Variants in TRPV3 observed in about 807,000 individuals in gnomAD.
The protein encoded by TRPV3 is transient receptor potential cation channel subfamily V member 3.
In TRPV3, 88 loss-of-function variants were observed where a neutral mutation model predicts 87.1. The ratio of observed to expected loss-of-function variants is 1.01; its 90% CI spans 0.85 to 1.21. TRPV3 has a LOEUF of 1.21. Ranked by LOEUF, TRPV3 falls within the 50% of genes most tolerant of loss-of-function variation. The pLI is 0.00. For missense variants in TRPV3, 1,054 were observed against 1,030.1 expected, an observed-to-expected ratio of 1.02 and a Z score of -0.32; for synonymous variants, 438 against 423.3, an observed-to-expected ratio of 1.03 and a Z score of -0.43.
chr17:3,528,975 G>A lies in TRPV3; in HGVS notation c.1263C>T (p.Thr421=). 2 of 1,614,172 alleles carry A rather than the reference G, an allele frequency of 1.2e-6. No individual in the cohort carries two copies. Among genetic ancestry groups the A allele is most frequent in the Non-Finnish European group, 1.7e-6 (2 of 1,180,026 alleles). The change falls in exon 10 of 18, where the codon ACC becomes ACT. Residue 421 remains threonine, a synonymous_variant. Transcript: ENST00000576742. This position sits in a 1 kb window ranked among gnomAD's most constrained non-coding sequence, Gnocchi z 4.2. ...GCAGCAGCGTGTGCAGCGGCTCCAG[G>A]GTCAGCATCTCATGCCGGTTCTAGG... ...TNIDNRHEML[T]LEPLHTLLHM... is the part of the protein sequence containing the mutation.
rs1178898268 is a variant in TRPV3 at position 3,518,152 on chromosome 17, T to C, written c.2085+424A>G. 6.6e-6 allele frequency among the ~76,000 whole-genome samples: 1 copy of C among 152,018 alleles called. No individual in the cohort carries two copies. Among genetic ancestry groups the C allele is most frequent in the East Asian group, 1.9e-4 (1 of 5,178 alleles). On this transcript the variant is annotated intron_variant, in intron 15 of 17. Coordinates refer to ENST00000576742, the MANE Select transcript of TRPV3 (RefSeq NM_145068.4). This position sits in a 1 kb window ranked among gnomAD's most constrained non-coding sequence, Gnocchi z 4.3. The stretch of plus-strand genomic sequence containing the variant: ...CCATTTCTTAAGAGGCAGTCTCCAG[T>C]CCTCTCCCAAACCTGGTTACCACCT...
chr17:3,516,911 C>G (rs1258130022), intron 15 of TRPV3, among the ~76,000 whole-genome samples: 2 of 150,810 alleles, frequency 1.3e-5, no homozygotes, highest in Non-Finnish European at 3.0e-5. Context: ...TTTGGGAGGC[C>G]AAGGCGGGTG....
In TRPV3 at chr17:3,556,214, A is replaced by C. The variant is rs988732919; in HGVS notation, c.-2-1362T>G. ...AAAAAAAAAAAATAAAGTTTTTATT[A>C]AACATAAAAAAGGAGCTATGGCTGA... is the stretch of plus-strand genomic sequence containing the variant. On this transcript the variant is annotated intron_variant, in intron 1 of 17. Coordinates refer to ENST00000576742, the MANE Select transcript of TRPV3 (RefSeq NM_145068.4). This position sits in a 1 kb window ranked among gnomAD's most constrained non-coding sequence, Gnocchi z 4.2. 1.1e-4 allele frequency among the ~76,000 whole-genome samples: 17 copies of C among 151,058 alleles called. No individual in the cohort carries two copies. Among genetic ancestry groups the C allele is most frequent in the African/African-American group, 4.1e-4 (17 of 41,304 alleles).
At position 3,539,851 on chromosome 17, in the gene TRPV3, A is replaced by G. The variant is rs572112902; in HGVS notation, c.643+2671T>C. On this transcript the variant is annotated intron_variant, in intron 6 of 17. Coordinates refer to ENST00000576742, the MANE Select transcript of TRPV3 (RefSeq NM_145068.4). ...CTCTGATAAAATGCTTTAAAATGAT[A>G]TGAATAAAGTTGTGATTGGTTCCTC... 1.3e-3 allele frequency among the ~76,000 whole-genome samples: 201 copies of G among 152,226 alleles called. 3 individuals are homozygous for G. Among genetic ancestry groups the G allele is most frequent in the African/African-American group, 4.6e-3 (192 of 41,534 alleles).
chr17:3,554,779 G>T lies in TRPV3; in HGVS notation c.72C>A (p.Ala24=). The part of the protein sequence containing the change: ...KRVAAPSGNP[A]ILPEKRPAEI... ...CCGCCGGCCTCTTCTCTGGCAGGAT[G>T]GCAGGGTTCCCACTGGGGGCAGCAA... is the stretch of plus-strand genomic sequence containing the variant. The change falls in exon 2 of 18, where the codon GCC becomes GCA. Residue 24 remains alanine (A), a synonymous_variant. Transcript: ENST00000576742. The T allele has an allele frequency of 1.2e-6, 2 of 1,612,852 alleles. No individual in the cohort carries two copies. The highest frequency in any genetic ancestry group is 1.7e-6 in the Non-Finnish European group (2 of 1,179,526).
rs531191632 is a variant in TRPV3 at position 3,528,814 on chromosome 17, C to T, written c.1401+23G>A. 3 of 1,613,398 alleles carry T rather than the reference C, an allele frequency of 1.9e-6. No individual in the cohort carries two copies. Among genetic ancestry groups the T allele is most frequent in the African/African-American group, 2.7e-5 (2 of 75,024 alleles). On this transcript the variant is annotated intron_variant, in intron 10 of 17. Transcript: ENST00000576742. This position sits in a 1 kb window ranked among gnomAD's most constrained non-coding sequence, Gnocchi z 4.2. ...CCTCCAGCTCTGACGGCCCCATTTT[C>T]CCCCTCCAAGGGGCCCACGTACCTC...
Position 3,530,350 on chromosome 17 carries a change from T to G in TRPV3, c.1066-147A>C, listed in dbSNP as rs2074338698. The G allele has an allele frequency of 1.4e-6, 1 of 712,562 alleles. No individual in the cohort carries two copies. The highest frequency in any genetic ancestry group is 2.2e-6 in the Non-Finnish European group (1 of 446,768). 44.1% of individuals were successfully genotyped at this position (712,562 alleles called of 1,614,324 possible). A position where few individuals can be genotyped will look rare whatever the true frequency, so the allele number is the denominator to read the frequency against. On this transcript the variant is annotated intron_variant, in intron 8 of 17. Transcript: ENST00000576742. This position sits in a 1 kb window ranked among gnomAD's most constrained non-coding sequence, Gnocchi z 4.0. ...CCTCTGCGCCTGGCGCCATGGCCCC[T>G]GGGCCCCGTCTTTATCTGTGGAATG...
At chr17:3,525,051 G>A (rs1331592522) in intron 12 of TRPV3, among the ~76,000 whole-genome samples, 14 of 152,144 alleles carry the variant, frequency 9.2e-5, no homozygotes, top group Non-Finnish European at 4.4e-5. Flanking sequence ...ACAGGGTCTT[G>A]CTCTGTCACC....
chr17:3,529,448 A>T (rs893184295), intron 9 of TRPV3, among the ~76,000 whole-genome samples: 1 of 152,112 alleles, frequency 6.6e-6, no homozygotes, highest in African/African-American at 2.4e-5. Flanking sequence ...TCTGGGAAGC[A>T]TGACTCTTAG....
rs1301677520 is a variant in TRPV3 at position 3,538,152 on chromosome 17, C to T, written c.644-2439G>A. On this transcript the variant is annotated intron_variant, in intron 6 of 17. Transcript: ENST00000576742. ...GGTGGAGCTTGCAGTGAGCATGCCA[C>T]TGCACTCCAGCCTGGGCAATAGAGC... Among the ~76,000 whole-genome samples, 3 of 151,908 alleles carry T rather than the reference C, an allele frequency of 2.0e-5. No individual in the cohort carries two copies. In the East Asian group the frequency reaches 5.8e-4, roughly 29 times the overall value.
chr17:3,524,639 G>T (rs2074278626), intron 12 of TRPV3, among the ~76,000 whole-genome samples: 1 of 151,866 alleles, frequency 6.6e-6, no homozygotes, highest in Non-Finnish European at 1.5e-5. Flanking sequence ...GGCCGCAGAA[G>T]ATTCTAGGGT....
intron 6 of TRPV3, among the ~76,000 whole-genome samples, chr17:3,538,190 CAA>C (rs142660035): frequency 6.9e-6 from 1 of 144,924 alleles, no homozygotes; most frequent in Non-Finnish European, 1.5e-5. Flanking sequence ...GACCCCGTCT[CAA>C]AAAAAAAATA....
At chr17:3,536,864 G>C (rs2074413635) in intron 6 of TRPV3, among the ~76,000 whole-genome samples, 2 of 152,200 alleles carry the variant, frequency 1.3e-5, no homozygotes, top group Admixed American at 1.3e-4. Flanking sequence ...GAAGGGACCA[G>C]AAGGCTGGAG....
At chr17:3,548,932 C>T (rs1597491718) in intron 2 of TRPV3, among the ~76,000 whole-genome samples, 2 of 152,220 alleles carry the variant, frequency 1.3e-5, no homozygotes, top group South Asian at 2.1e-4. Flanking sequence ...GCTCTGGGAT[C>T]GTCCTCTTAT....
chr17:3,526,956 A>G, intron 11 of TRPV3, 29 bp from the exon 12 acceptor site: 1 of 1,586,180 alleles, frequency 6.3e-7, no homozygotes, highest in Middle Eastern at 1.7e-4. Context: ...GAAACAGTGC[A>G]CCCTCTTCAT....
intron 2 of TRPV3, among the ~76,000 whole-genome samples, chr17:3,548,614 A>T (rs1207065658): frequency 4.6e-5 from 7 of 152,166 alleles, no homozygotes; most frequent in Non-Finnish European, 1.5e-5. Context: ...TAATCCAGAA[A>T]TGGGGATACA....
chr17:3,543,484 C>T lies in TRPV3; in HGVS notation c.456G>A (p.Glu152=). The T allele has an allele frequency of 6.2e-7, 1 of 1,613,350 alleles. No individual in the cohort carries two copies. Residue 152 remains glutamate (E), a synonymous_variant, in exon 5 of 18, where the codon GAG becomes GAA. Transcript: ENST00000576742. The stretch of plus-strand genomic sequence containing the variant: ...GGCTCAGACACTCACCAGGCACATC[C>T]TCATCATGGCGCCGCCTGCAAAGCT... ...LQELCRRRHD[E]DVPDFLMHKL...
At chr17:3,548,760 C>T (rs985979629) in intron 2 of TRPV3, among the ~76,000 whole-genome samples, 1 of 152,214 alleles carries the variant, frequency 6.6e-6, no homozygotes, top group Admixed American at 6.5e-5. Context: ...AGGATTTAAA[C>T]CCTTGCCTGG....
At position 3,510,873 on chromosome 17, in the gene TRPV3, T is replaced by G. The variant is rs1597459535; in HGVS notation, c.*3044A>C. 1 of 152,248 alleles carries G rather than the reference T, an allele frequency of 6.6e-6. No homozygotes were observed. Among genetic ancestry groups the G allele is most frequent in the Non-Finnish European group, 1.5e-5 (1 of 68,062 alleles). The allele number at this position is 152,248 out of a possible 1,614,324, so 9.4% of individuals were successfully genotyped here. ...TAAAGGGCTCTCTCAGGCTGGAGCC[T>G]TCTAAGAGCCTGAAGACTTCACAGT... On this transcript the variant is annotated 3_prime_UTR_variant, in exon 18 of 18. Coordinates refer to ENST00000576742, the MANE Select transcript of TRPV3 (RefSeq NM_145068.4).
Sources: allele counts gnomAD v4.1 joint callset (sites outside exome capture counted in the v4.1 genomes callset), GRCh38; gene constraint gnomAD v4.1.1; non-coding constraint Gnocchi (gnomAD v3.1); transcripts MANE v1.5; gene names NCBI Gene and HGNC (gene_info 2026-07-23, HGNC 2026-07-21).